PGD: variants seen among roughly 807,000 people sequenced by gnomAD.
The protein encoded by PGD is phosphogluconate dehydrogenase, also known as 6-phosphogluconate dehydrogenase, decarboxylating.
PGD carries 21 observed loss-of-function variants against 60.4 expected under a neutral mutation model. That is an observed-to-expected ratio of 0.35 (90% CI 0.25 to 0.50). PGD has a LOEUF of 0.50. PGD is among the 20% of genes least tolerant of loss of function. The probability of loss-of-function intolerance (pLI) is 0.98; values close to 1 mark genes in which losing one functional copy is unlikely to be tolerated. For missense variants in PGD, 477 were observed against 613.1 expected, an observed-to-expected ratio of 0.78 and a Z score of 2.34; for synonymous variants, 230 against 235.9, an observed-to-expected ratio of 0.97 and a Z score of 0.23.
chr1:10,419,350 T>C (rs1268262366), intron 11 of PGD, 67 bp from the exon 12 acceptor site: 3 of 1,560,730 alleles, frequency 1.9e-6, no homozygotes, highest in Non-Finnish European at 1.7e-6. Context: ...CACATTGATA[T>C]GAATGAAAAT....
intron 8 of PGD, among the ~76,000 whole-genome samples, chr1:10,414,302 A>G (rs1639557015): frequency 6.6e-6 from 1 of 152,118 alleles, no homozygotes; most frequent in Non-Finnish European, 1.5e-5. Context: ...ATAAGGAAAT[A>G]ATATAAAGAA....
rs1639606450 is a variant in PGD at position 10,416,986 on chromosome 1, G to A, written c.845-1G>A. The A allele has an allele frequency of 3.1e-6, 5 of 1,613,112 alleles. No homozygotes were observed. Among genetic ancestry groups the A allele is most frequent in the African/African-American group, 2.7e-5 (2 of 74,894 alleles). On this transcript the variant is annotated splice_acceptor_variant, in intron 8 of 12. Transcript: ENST00000270776. LOFTEE classifies it high-confidence loss of function. Reference sequence around the variant, plus strand: ...TTCCTCTTCCCGATCTCCCCATGTAGGAGAAGCTGTCTTTGCTCGGTGCTT... The same window carrying A: ...TTCCTCTTCCCGATCTCCCCATGTAAGAGAAGCTGTCTTTGCTCGGTGCTT...
At chr1:10,401,432 G>T (rs935854048) in intron 3 of PGD, among the ~76,000 whole-genome samples, 3 of 152,244 alleles carry the variant, frequency 2.0e-5, no homozygotes, top group Admixed American at 2.0e-4. Flanking sequence ...AAGCAGTGCA[G>T]TGATAGCTCA....
At position 10,399,708 on chromosome 1, in the gene PGD, A is replaced by G. The variant is rs1346356804; in HGVS notation, c.84+4A>G. On this transcript the variant is annotated splice_donor_region_variant and intron_variant, in intron 2 of 12. Transcript: ENST00000270776. Reference sequence around the variant, plus strand: ...CATGAATGACCACGGCTTTGTGGTAAGCGGCGTGGGCGCGTTGTCTTCTCT... The same window carrying G: ...CATGAATGACCACGGCTTTGTGGTAGGCGGCGTGGGCGCGTTGTCTTCTCT... The G allele has an allele frequency of 6.2e-7, 1 of 1,613,778 alleles. No homozygotes were observed. Among genetic ancestry groups the G allele is most frequent in the African/African-American group, 1.3e-5 (1 of 74,946 alleles).
Position 10,399,093 on chromosome 1 carries a change from C to G in PGD, c.-25C>G, listed in dbSNP as rs370637425. ...CACTCGTCCTCCGCGCGTCGCCGCT[C>G]TTCGGTTCTGCTCTGTCCGCCGCCA... On this transcript the variant is annotated 5_prime_UTR_variant, in exon 1 of 13. Coordinates refer to ENST00000270776, the MANE Select transcript of PGD (RefSeq NM_002631.4). 3.1e-6 allele frequency: 5 copies of G among 1,609,506 alleles called. No individual in the cohort carries two copies. The Admixed American group carries it at 8.3e-5, about 27-fold the overall frequency.
At chr1:10,419,354 T>C in intron 11 of PGD, 63 bp from the exon 12 acceptor site, 1 of 1,566,734 alleles carries the variant, frequency 6.4e-7, no homozygotes, top group Non-Finnish European at 8.6e-7. Flanking sequence ...TTGATATGAA[T>C]GAAAATCTAT....
intron 7 of PGD, among the ~76,000 whole-genome samples, chr1:10,412,107 T>C (rs1277290856): frequency 1.3e-5 from 2 of 152,240 alleles, no homozygotes; most frequent in Non-Finnish European, 2.9e-5. Context: ...TTCATCTTAT[T>C]TTTTGGATAC....
intron 11 of PGD, 80 bp downstream of exon 11, chr1:10,419,005 T>G: frequency 2.3e-6 from 2 of 854,468 alleles, no homozygotes; most frequent in Non-Finnish European, 1.9e-6. Flanking sequence ...TTTGTTTTTT[T>G]TTTTTGGTTT....
intron 5 of PGD, among the ~76,000 whole-genome samples, chr1:10,404,489 C>T (rs1212596842): frequency 6.6e-6 from 1 of 150,750 alleles, no homozygotes; most frequent in Non-Finnish European, 1.5e-5. Context: ...TCTGTTATTT[C>T]TATCAAGACT....
At chr1:10,400,646 T>C in intron 3 of PGD, 74 bp downstream of exon 3, 1 of 1,207,036 alleles carries the variant, frequency 8.3e-7, no homozygotes, top group East Asian at 2.4e-5. Context: ...TTCTCCTTCT[T>C]TTAACTCTAG....
intron 6 of PGD, 132 bp from the exon 7 acceptor site, chr1:10,411,286 C>T: frequency 1.1e-6 from 1 of 890,940 alleles, no homozygotes; most frequent in Non-Finnish European, 1.7e-6. Flanking sequence ...AAATGCTGTA[C>T]TCATTTTATA....
chr1:10,400,123 C>T, intron 2 of PGD: 1 of 475,258 alleles, frequency 2.1e-6, no homozygotes, highest in East Asian at 3.5e-5. Flanking sequence ...CGGCCAGTTC[C>T]TGGATTTGAT....
intron 7 of PGD, among the ~76,000 whole-genome samples, chr1:10,412,302 C>G (rs762777519): frequency 6.6e-6 from 1 of 152,188 alleles, no homozygotes; most frequent in Admixed American, 6.5e-5. Context: ...GCTTTCTAGT[C>G]GTGTCTTACC....
intron 3 of PGD, 70 bp from the exon 4 acceptor site, chr1:10,402,997 AAATT>A (rs1639340471): frequency 1.0e-6 from 1 of 990,088 alleles, no homozygotes; most frequent in Non-Finnish European, 1.6e-6. Flanking sequence ...TATTTGGAAT[AAATT>A]CTTGTTTGTT....
intron 3 of PGD, among the ~76,000 whole-genome samples, chr1:10,402,030 T>TAAA (rs1553173568): frequency 1.1e-4 from 15 of 139,872 alleles, no homozygotes; most frequent in East Asian, 6.8e-4. Context: ...AATAAATAAA[T>TAAA]TAATTAATTA....
intron 8 of PGD, chr1:10,415,272 A>G (rs1173555963): frequency 6.6e-6 from 1 of 152,152 alleles, no homozygotes; most frequent in African/African-American, 2.4e-5. Flanking sequence ...GGTGGTTTCT[A>G]CAGTTCCGTG....
intron 8 of PGD, 144 bp downstream of exon 8, chr1:10,413,395 A>C: frequency 1.5e-6 from 1 of 651,282 alleles, no homozygotes; most frequent in Non-Finnish European, 2.6e-6. Flanking sequence ...GCGTTGAAGA[A>C]ACTGACAGTG....
At chr1:10,403,464 G>A (rs1181168136) in intron 4 of PGD, among the ~76,000 whole-genome samples, 3 of 151,944 alleles carry the variant, frequency 2.0e-5, no homozygotes, top group African/African-American at 4.8e-5. Context: ...GGTGGCATGC[G>A]CCTGTAGTCC....
intron 11 of PGD, among the ~76,000 whole-genome samples, chr1:10,419,137 G>A (rs1221680678): frequency 6.6e-6 from 1 of 151,290 alleles, no homozygotes; most frequent in Non-Finnish European, 1.5e-5. Flanking sequence ...GCCTTCCTAA[G>A]TAGCTGGGAC....
Sources: gnomAD v4.1 joint callset for allele counts (sites outside exome capture counted in the v4.1 genomes callset) on GRCh38, gnomAD v4.1.1 for gene constraint, MANE v1.5 for transcripts, NCBI Gene and HGNC (gene_info 2026-07-23, HGNC 2026-07-21) for gene names.